Variants in WDR41 observed in about 807,000 individuals in gnomAD.
WDR41 encodes the protein WD repeat domain 41, also known as WD repeat-containing protein 41.
Under a neutral mutation model 69.3 loss-of-function variants are expected in WDR41, and 63 were observed. The observed-to-expected ratio is 0.91, with a 90% CI of 0.74 to 1.12. The LOEUF is 1.12. Among genes scored for constraint, WDR41 ranks in the 50% most tolerant of loss-of-function variants. WDR41 has a pLI of 0.00. For synonymous variants in WDR41, 185 were observed against 192.1 expected (o/e 0.96, Z 0.31); for missense variants, 543 against 534.5 (o/e 1.02, Z -0.16).
intron 1 of WDR41, among the ~76,000 whole-genome samples, chr5:77,610,634 C>T (rs1185616020): frequency 6.6e-6 from 1 of 152,114 alleles, no homozygotes; most frequent in African/African-American, 2.4e-5. Context: ...CAGGCCTGCC[C>T]TAAAAGAGCT....
chr5:77,573,893 C>A (rs980965756), intron 1 of WDR41, among the ~76,000 whole-genome samples: 2 of 152,186 alleles, frequency 1.3e-5, no homozygotes, highest in African/African-American at 4.8e-5. Context: ...TATCCACCAT[C>A]ACAGGCAACT....
chr5:77,436,751 A>G (rs760036417), intron 11 of WDR41, among the ~76,000 whole-genome samples: 9 of 152,186 alleles, frequency 5.9e-5, no homozygotes, highest in Non-Finnish European at 1.2e-4. Context: ...GAAAAGCTGT[A>G]TATGTATGTG....
At chr5:77,492,513 C>G (rs1801859637), upstream of WDR41, 2 of 369,664 alleles carry the variant, frequency 5.4e-6, no homozygotes, top group East Asian at 8.3e-5. Flanking sequence ...CGAGTGAGCA[C>G]GCGCGGGAGC....
Position 77,547,152 on chromosome 5 carries a change from G to A in WDR41, c.43-57580C>T, listed in dbSNP as rs562868286. 1.1e-4 allele frequency among the ~76,000 whole-genome samples: 17 copies of A among 151,978 alleles called. No individual in the cohort carries two copies. In the East Asian group the frequency reaches 1.9e-3, roughly 17 times the overall value. ...TAATAAAAGTCATCTATGACAAACCGGCAGCCAAAATAATACTGAATGGGG... is the reference window on the plus strand; with the variant it reads ...TAATAAAAGTCATCTATGACAAACCAGCAGCCAAAATAATACTGAATGGGG... On this transcript the variant is annotated intron_variant, in intron 1 of 5. Coordinates refer to the WDR41 transcript ENST00000509971.
At chr5:77,515,955 T>C (rs1802285778) in intron 1 of WDR41, among the ~76,000 whole-genome samples, 1 of 152,226 alleles carries the variant, frequency 6.6e-6, no homozygotes, top group African/African-American at 2.4e-5. Flanking sequence ...GTCAACATTA[T>C]AATGCCTCAA....
rs554158526 is a variant in WDR41 at position 77,470,576 on chromosome 5, A to G, written c.168-5767T>C. Among the ~76,000 whole-genome samples, 100 of 151,818 alleles carry G rather than the reference A, an allele frequency of 6.6e-4. 1 individual carries two copies. In the South Asian group the frequency reaches 0.013, roughly 19 times the overall value. ...ACACATAGGCTCAAAATAAAGGGAT[A>G]GAGGAAGATCTACCAAGCAAATGGA... On this transcript the variant is annotated intron_variant, in intron 2 of 12. Transcript: ENST00000296679.
At chr5:77,551,849 G>A (rs528667704) in intron 1 of WDR41, among the ~76,000 whole-genome samples, 1 of 150,168 alleles carries the variant, frequency 6.7e-6, no homozygotes, top group African/African-American at 2.5e-5. Context: ...GTGGTGGCAC[G>A]AGCCTGTAAT....
chr5:77,504,580 A>AT (rs1478624474), intron 1 of WDR41, among the ~76,000 whole-genome samples: 3 of 152,198 alleles, frequency 2.0e-5, no homozygotes, highest in African/African-American at 7.2e-5. Context: ...AAAAAAGAGA[A>AT]TTTTAGACCA....
At chr5:77,517,627 T>A (rs1802309135) in intron 1 of WDR41, among the ~76,000 whole-genome samples, 1 of 67,118 alleles carries the variant, frequency 1.5e-5, no homozygotes, top group African/African-American at 6.1e-5. Context: ...TCATATTTAT[T>A]GAACATATAT....
chr5:77,441,759 A>AT lies in WDR41; in HGVS notation c.698-763_698-762insA, dbSNP rs560079267. 1.9e-3 allele frequency among the ~76,000 whole-genome samples: 268 copies of AT among 141,662 alleles called. 2 individuals are homozygous for AT. The highest frequency in any genetic ancestry group is 7.1e-3 in the African/African-American group (256 of 36,086). The allele number at this position is 141,662 out of a possible 152,430, so 92.9% of individuals were successfully genotyped here. ...TCTAAAACACACACACACACACACA[A>AT]ATACACTGAAATGACAAAAAGCTGG... On this transcript the variant is annotated intron_variant, in intron 8 of 12. Transcript: ENST00000296679.
At chr5:77,591,111 C>A (rs1744129965) in intron 1 of WDR41, among the ~76,000 whole-genome samples, 1 of 151,806 alleles carries the variant, frequency 6.6e-6, no homozygotes, top group Non-Finnish European at 1.5e-5. Context: ...CTCCCTGATT[C>A]CATTTTCTTA....
chr5:77,511,157 C>T (rs910997391), intron 1 of WDR41, among the ~76,000 whole-genome samples: 1 of 152,204 alleles, frequency 6.6e-6, no homozygotes. Context: ...TAGAACTCCA[C>T]ATTGAAAGAT....
chr5:77,447,151 CAT>C (rs1222440343), intron 8 of WDR41, among the ~76,000 whole-genome samples: 1 of 152,006 alleles, frequency 6.6e-6, no homozygotes, highest in Non-Finnish European at 1.5e-5. Context: ...GGCCAAAAAA[CAT>C]ATGAAAAAAA....
intron 1 of WDR41, chr5:77,540,402 C>T (rs1016602623): frequency 6.6e-6 from 1 of 152,198 alleles, no homozygotes; most frequent in Non-Finnish European, 1.5e-5. Flanking sequence ...TACCCAGGCC[C>T]AAGTAACGTA....
At chr5:77,461,102 A>G (rs771980623) in intron 4 of WDR41, among the ~76,000 whole-genome samples, 9 of 152,214 alleles carry the variant, frequency 5.9e-5, no homozygotes, top group Non-Finnish European at 1.2e-4. Context: ...AAATATTGCT[A>G]TAGTGTCTTA....
At chr5:77,546,445 C>A (rs1743200925) in intron 1 of WDR41, among the ~76,000 whole-genome samples, 1 of 152,092 alleles carries the variant, frequency 6.6e-6, no homozygotes, top group African/African-American at 2.4e-5. Context: ...GATATTACAA[C>A]TGACACCACA....
At chr5:77,478,014 A>T (rs1415148856) in intron 2 of WDR41, among the ~76,000 whole-genome samples, 1 of 152,138 alleles carries the variant, frequency 6.6e-6, no homozygotes, top group African/African-American at 2.4e-5. Context: ...TCCCACAGAA[A>T]TACAAACTAC....
chr5:77,447,025 C>G (rs1799411789), intron 8 of WDR41, among the ~76,000 whole-genome samples: 1 of 152,188 alleles, frequency 6.6e-6, no homozygotes, highest in African/African-American at 2.4e-5. Context: ...ATCTACCCAT[C>G]TGACAAAGGT....
chr5:77,433,342 A>G, intron 12 of WDR41, 55 bp from the exon 13 acceptor site: 1 of 1,536,666 alleles, frequency 6.5e-7, no homozygotes, highest in Non-Finnish European at 8.9e-7. Flanking sequence ...AGAAGTGTCT[A>G]ATACCACATT....
Sources: gnomAD v4.1 joint callset for allele counts (sites outside exome capture counted in the v4.1 genomes callset) on GRCh38, gnomAD v4.1.1 for gene constraint, MANE v1.5 for transcripts, NCBI Gene and HGNC (gene_info 2026-07-23, HGNC 2026-07-21) for gene names.